The following KALRN variants were observed in gnomAD, a reference collection of about 807,000 sequenced individuals.
The protein encoded by KALRN is kalirin RhoGEF kinase.
A neutral mutation model predicts 353.7 loss-of-function variants in KALRN; 70 were observed. The ratio of observed to expected loss-of-function variants is 0.20; its 90% confidence interval spans 0.16 to 0.24. The LOEUF is 0.24. Ranked by LOEUF, KALRN falls within the 10% of genes least tolerant of loss-of-function variation. The pLI is 1.00. For synonymous variants in KALRN, 1,391 were observed against 1,434.8 expected, an observed-to-expected ratio of 0.97 and a Z score of 0.69; for missense variants, 2,791 against 3,756.7, an observed-to-expected ratio of 0.74 and a Z score of 6.72.
chr3:124,435,592 A>G (rs887781771), intron 17 of KALRN, among the ~76,000 whole-genome samples: 2 of 152,216 alleles, frequency 1.3e-5, no homozygotes, highest in African/African-American at 4.8e-5. Flanking sequence ...GATGACTTAC[A>G]GGGACCATCG....
At chr3:124,095,042 G>A in intron 1 of KALRN, 1 of 828,894 alleles carries the variant, frequency 1.2e-6, no homozygotes, top group Non-Finnish European at 2.0e-6. Flanking sequence ...ACAGAGGCAA[G>A]TAGCAAACCC....
At chr3:124,498,715 G>C (rs923869387) in intron 33 of KALRN, among the ~76,000 whole-genome samples, 2 of 152,146 alleles carry the variant, frequency 1.3e-5, no homozygotes, top group Non-Finnish European at 2.9e-5. Flanking sequence ...ATAAGGGGAA[G>C]ATCAGTCTAG....
Position 124,562,843 on chromosome 3 carries a change from C to T in KALRN, c.4936C>T (p.Leu1646Phe), listed in dbSNP as rs186739814. ...TSQNTVDSDK[L>F]SGGCELTVVL... ...CTCCCTCCACCACCACCCTCCAAAG[C>T]TCTCTGGTGGATGTGAGCTGACAGT... Residue 1646 changes from leucine to phenylalanine, a missense_variant and splice_region_variant, in exon 34 of 60, where the codon CTC (leucine) becomes TTC (phenylalanine). Leu to Phe is a conservative substitution (Grantham distance 22). Coordinates refer to ENST00000682506, the MANE Select transcript of KALRN (RefSeq NM_001388419.1). 4,188 of 1,361,778 alleles carry T rather than the reference C, an allele frequency of 3.1e-3. 18 individuals are homozygous for T. The highest frequency in any genetic ancestry group is 4.4e-3 in the Middle Eastern group (21 of 4,760). The allele number at this position is 1,361,778 out of a possible 1,614,324, so 84.4% of individuals were successfully genotyped here.
intron 1 of KALRN, among the ~76,000 whole-genome samples, chr3:124,086,122 CT>C (rs2060804065): frequency 6.6e-6 from 1 of 151,670 alleles, no homozygotes; most frequent in Admixed American, 6.6e-5. Context: ...TAGGTTTTTT[CT>C]TTCCTTTTTT....
intron 3 of KALRN, among the ~76,000 whole-genome samples, chr3:124,261,116 C>G (rs569119290): frequency 6.7e-6 from 1 of 149,864 alleles, no homozygotes; most frequent in Non-Finnish European, 1.5e-5. Flanking sequence ...TCTCGAACTT[C>G]TGACCTCAAG....
At position 124,694,334 on chromosome 3, in the gene KALRN, G is replaced by A. The variant is rs747507245; in HGVS notation, c.7408G>A (p.Ala2470Thr). ...ILNPNFIQEVAPEFLVPLVDV... is the reference protein window; with the variant it reads ...ILNPNFIQEVTPEFLVPLVDV... ...AATGTATGTTGATTTGATCACAGTG[G>A]CCCCAGAATTCCTTGTGCCCTTGGT... Residue 2470 changes from alanine (A) to threonine (T), a missense_variant and splice_region_variant, in exon 53 of 60, where the codon GCC (alanine) becomes ACC (threonine). Ala to Thr is a moderately conservative substitution (Grantham distance 58). Transcript: ENST00000682506. 2.5e-6 allele frequency: 4 copies of A among 1,613,492 alleles called. No individual in the cohort carries two copies. The African/African-American group carries it at 5.3e-5, about 22-fold the overall frequency.
chr3:124,142,710 C>G (rs1054026664), intron 1 of KALRN, among the ~76,000 whole-genome samples: 2 of 151,940 alleles, frequency 1.3e-5, no homozygotes, highest in Non-Finnish European at 2.9e-5. Flanking sequence ...TACCACTTTT[C>G]CTCCCACTCT....
intron 1 of KALRN, chr3:124,096,658 C>T (rs905836479): frequency 6.6e-6 from 1 of 152,164 alleles, no homozygotes; most frequent in Non-Finnish European, 1.5e-5. Flanking sequence ...TCTAAGTGCC[C>T]TTGAATAAAT....
intron 33 of KALRN, among the ~76,000 whole-genome samples, chr3:124,543,684 G>T (rs2069309814): frequency 6.9e-6 from 1 of 145,860 alleles, no homozygotes; most frequent in Non-Finnish European, 1.5e-5. Flanking sequence ...AAATCAGCAG[G>T]TTTTTTTTTT....
intron 15 of KALRN, among the ~76,000 whole-genome samples, chr3:124,425,573 T>G (rs2092976837): frequency 6.6e-6 from 1 of 152,176 alleles, no homozygotes; most frequent in South Asian, 2.1e-4. Context: ...CTGCACCTAC[T>G]TGGTTATTTC....
chr3:124,602,304 T>C (rs546052421), intron 34 of KALRN, among the ~76,000 whole-genome samples: 1 of 152,300 alleles, frequency 6.6e-6, no homozygotes, highest in Admixed American at 6.5e-5. Context: ...ATGCCCATCC[T>C]TGAGTTAACG....
rs771030176 is a variant in KALRN at position 124,667,174 on chromosome 3, T to C, written c.6694T>C (p.Phe2232Leu). 5 of 1,613,574 alleles carry C rather than the reference T, an allele frequency of 3.1e-6. No individual in the cohort carries two copies. Among genetic ancestry groups the C allele is most frequent in the Non-Finnish European group, 4.2e-6 (5 of 1,179,598 alleles). The stretch of plus-strand genomic sequence containing the variant: ...TCAAGTCTTAGAAACACAGCGAGAC[T>C]TTTTGAATGGTGGGTGCTGGGCTTG... ...INQVLETQRD[F>L]LNALQSPIEY... Residue 2232 changes from phenylalanine to leucine, a missense_variant, in exon 47 of 60, where the codon TTT becomes CTT. Phe to Leu is a conservative substitution (Grantham distance 22). This residue lies in a region of KALRN where 1,065 missense variants were observed against 1,156.4 expected (regional missense o/e 0.92). Coordinates refer to ENST00000682506, the MANE Select transcript of KALRN (RefSeq NM_001388419.1).
intron 33 of KALRN, among the ~76,000 whole-genome samples, chr3:124,528,308 T>A (rs1467734361): frequency 6.6e-6 from 1 of 152,180 alleles, no homozygotes; most frequent in Non-Finnish European, 1.5e-5. Flanking sequence ...TTACGGTCTT[T>A]GGATAATAAT....
chr3:124,205,593 G>A (rs2150437120), intron 1 of KALRN, among the ~76,000 whole-genome samples: 1 of 152,302 alleles, frequency 6.6e-6, no homozygotes, highest in Admixed American at 6.5e-5. Flanking sequence ...AAATGCTAGA[G>A]ACACAGAGTA....
intron 27 of KALRN, among the ~76,000 whole-genome samples, chr3:124,481,668 T>C (rs1246657916): frequency 6.6e-6 from 1 of 152,220 alleles, no homozygotes; most frequent in Non-Finnish European, 1.5e-5. Flanking sequence ...TACCATTCAG[T>C]CATGGTCCTC....
At chr3:124,605,772 A>G (rs2077282766) in intron 34 of KALRN, among the ~76,000 whole-genome samples, 1 of 152,118 alleles carries the variant, frequency 6.6e-6, no homozygotes, top group Non-Finnish European at 1.5e-5. Flanking sequence ...TATCTAATAA[A>G]TATGCATGTA....
At chr3:124,095,568 A>G (rs116092577) in intron 1 of KALRN, among the ~76,000 whole-genome samples, 3,316 of 152,228 alleles carry the variant, frequency 0.022, 117 homozygotes, top group African/African-American at 0.075. Context: ...TTGATTATCT[A>G]CAGATACAGC....
At chr3:124,581,380 G>A (rs1243080790) in intron 34 of KALRN, among the ~76,000 whole-genome samples, 3 of 126,422 alleles carry the variant, frequency 2.4e-5, no homozygotes, top group African/African-American at 3.4e-5. Flanking sequence ...GTGACAGAGT[G>A]AGACTCTGCT....
Position 124,645,663 on chromosome 3 carries a change from CGT to C in KALRN, c.5665-5130_5665-5129del, listed in dbSNP as rs71625766. Among the ~76,000 whole-genome samples the C allele has an allele frequency of 6.1e-5, 9 of 147,968 alleles. No homozygotes were observed. In the East Asian group the frequency reaches 7.9e-4, roughly 13 times the overall value. On this transcript the variant is annotated intron_variant, in intron 37 of 59. Transcript: ENST00000682506. ...CTCTCTCTCTCTCTCTCTCTCTGTG[CGT>C]GTGTGTGTGTGTGTATCACAGTTTC... is the stretch of plus-strand genomic sequence containing the variant.
Sources: allele counts gnomAD v4.1 joint callset (sites outside exome capture counted in the v4.1 genomes callset), GRCh38; gene constraint gnomAD v4.1.1; regional missense constraint gnomAD v4.1.1; transcripts MANE v1.5; gene names NCBI Gene and HGNC (gene_info 2026-07-23, HGNC 2026-07-21).